FAF2: variants seen among roughly 807,000 people sequenced by gnomAD.
FAF2 encodes the protein FAS-associated factor 2.
Under a neutral mutation model 62.3 loss-of-function variants are expected in FAF2, and 9 were observed. That is an observed-to-expected ratio of 0.14 (90% CI 0.09 to 0.25). The LOEUF is 0.25. Ranked by LOEUF, FAF2 falls within the 10% of genes least tolerant of loss-of-function variation. The pLI is 1.00. For synonymous variants in FAF2, 202 were observed against 198.0 expected, an observed-to-expected ratio of 1.02 and a Z score of -0.17; for missense variants, 368 against 556.2, an observed-to-expected ratio of 0.66 and a Z score of 3.40.
At chr5:176,464,670 T>A (rs1303109346) in intron 1 of FAF2, among the ~76,000 whole-genome samples, 2 of 151,948 alleles carry the variant, frequency 1.3e-5, no homozygotes, top group African/African-American at 4.8e-5. Flanking sequence ...TGTTTTTATT[T>A]TCTGTAGAGA....
intron 10 of FAF2, among the ~76,000 whole-genome samples, chr5:176,504,689 C>CA (rs1224181398): frequency 6.6e-6 from 1 of 151,656 alleles, no homozygotes; most frequent in African/African-American, 2.4e-5. Context: ...ATGGGAATTG[C>CA]AAAGAGAGAA....
intron 10 of FAF2, among the ~76,000 whole-genome samples, chr5:176,502,893 C>T (rs1445255752): frequency 5.3e-5 from 8 of 150,138 alleles, no homozygotes; most frequent in African/African-American, 2.0e-4. Context: ...ACTAAAAGTA[C>T]AAAAATTAGC....
chr5:176,466,780 A>G (rs942224494), intron 1 of FAF2, among the ~76,000 whole-genome samples: 1 of 148,566 alleles, frequency 6.7e-6, no homozygotes, highest in Admixed American at 6.6e-5. Context: ...AATCTCCCGT[A>G]TACATTTTAC....
chr5:176,451,885 T>TAC (rs1758189686), intron 1 of FAF2, among the ~76,000 whole-genome samples: 2 of 24,480 alleles, frequency 8.2e-5, no homozygotes, highest in Non-Finnish European at 1.5e-4. Flanking sequence ...CATATATATA[T>TAC]ATATATATTT....
chr5:176,499,300 A>C (rs1205379664), intron 9 of FAF2, among the ~76,000 whole-genome samples: 1 of 152,080 alleles, frequency 6.6e-6, no homozygotes, highest in Non-Finnish European at 1.5e-5. Flanking sequence ...TTTAAATAAA[A>C]ATTTAAAAAA....
In FAF2 at chr5:176,451,893, T is replaced by TATA. The variant is rs1491147946; in HGVS notation, c.63+3423_63+3424insATA. Among the ~76,000 whole-genome samples the TATA allele has an allele frequency of 5.4e-4, 8 of 14,816 alleles. 2 individuals carry two copies. The highest frequency in any genetic ancestry group is 6.9e-4 in the Non-Finnish European group (6 of 8,702). The allele number at this position is 14,816 out of a possible 152,430, so 9.7% of individuals were successfully genotyped here. On this transcript the variant is annotated intron_variant, in intron 1 of 10. Transcript: ENST00000261942. ...ATACACACATATATATATATATATA[T>TATA]TTTTTTTTTTTTTTTTTTTTTTTTT...
At chr5:176,467,117 G>GTT in intron 1 of FAF2, among the ~76,000 whole-genome samples, 1 of 117,576 alleles carries the variant, frequency 8.5e-6, no homozygotes, top group South Asian at 2.9e-4. Flanking sequence ...CCCAATGGCT[G>GTT]TTTTTTTTTT....
In FAF2 at chr5:176,488,166, C is replaced by T. The variant is rs7724162; in HGVS notation, c.268-785C>T. Among the ~76,000 whole-genome samples, 460 of 152,174 alleles carry T rather than the reference C, an allele frequency of 3.0e-3. 5 individuals carry two copies. The highest frequency in any genetic ancestry group is 0.011 in the African/African-American group (439 of 41,536). On this transcript the variant is annotated intron_variant, in intron 3 of 10. Coordinates refer to ENST00000261942, the MANE Select transcript of FAF2 (RefSeq NM_014613.3). ...CTAATTTTTGTATTTTTAGTAGAGA[C>T]AGGGTTTTACCATGTTGACCAGGCT...
Position 176,509,668 on chromosome 5 carries a change from T to C in FAF2, c.*2718T>C, listed in dbSNP as rs1755746053. 2.6e-5 allele frequency: 4 copies of C among 152,616 alleles called. No homozygotes were observed. Among genetic ancestry groups the C allele is most frequent in the South Asian group, 2.1e-4 (1 of 4,828 alleles). The allele number at this position is 152,616 out of a possible 1,614,324, so 9.5% of individuals were successfully genotyped here. On this transcript the variant is annotated 3_prime_UTR_variant, in exon 11 of 11. Transcript: ENST00000261942. The stretch of plus-strand genomic sequence containing the variant: ...CTCCTTGCTTGCCTCCACCATGATA[T>C]TTGAATAAGAGATGGCCAGAGGATA...
chr5:176,461,700 A>T (rs1326551526), intron 1 of FAF2, among the ~76,000 whole-genome samples: 2 of 151,366 alleles, frequency 1.3e-5, no homozygotes, highest in East Asian at 3.9e-4. Context: ...TATATTCTGG[A>T]TATTAGGCCT....
At chr5:176,489,285 C>T (rs1467138335) in intron 4 of FAF2, among the ~76,000 whole-genome samples, 1 of 90,422 alleles carries the variant, frequency 1.1e-5, no homozygotes, top group Non-Finnish European at 2.4e-5. Flanking sequence ...ATTTATTTGT[C>T]TCCCCCTCCC....
chr5:176,480,793 C>A (rs916436895), intron 2 of FAF2, among the ~76,000 whole-genome samples: 4 of 131,284 alleles, frequency 3.0e-5, no homozygotes, highest in Non-Finnish European at 6.4e-5. Flanking sequence ...ACACACGGGG[C>A]CTCTCGGGGG....
chr5:176,506,696 TGC>T lies in FAF2; in HGVS notation c.1156-70_1156-69del, dbSNP rs1189910888. On this transcript the variant is annotated intron_variant, in intron 10 of 10. Transcript: ENST00000261942. ...GTATATTTGACTTCAGAGTTGTGTG[TGC>T]GTGTGTGCGTGTGTGTGTGTGTATT... The T allele has an allele frequency of 3.4e-4, 44 of 131,288 alleles. No individual in the cohort carries two copies. The African/African-American group carries it at 3.4e-3, about 10-fold the overall frequency. The allele number at this position is 131,288 out of a possible 1,614,324, so 8.1% of individuals were successfully genotyped here. A position where few individuals can be genotyped will look rare whatever the true frequency, so the allele number is the denominator to read the frequency against.
intron 2 of FAF2, among the ~76,000 whole-genome samples, chr5:176,480,130 A>C (rs1320983111): frequency 1.3e-5 from 2 of 152,232 alleles, no homozygotes; most frequent in Non-Finnish European, 2.9e-5. Flanking sequence ...TAACATGGAA[A>C]TAAATATCTG....
At chr5:176,501,266 T>G (rs1459746797) in intron 10 of FAF2, among the ~76,000 whole-genome samples, 1 of 152,240 alleles carries the variant, frequency 6.6e-6, no homozygotes, top group Non-Finnish European at 1.5e-5. Flanking sequence ...GAAAATTTAT[T>G]TAAACTGAGA....
intron 2 of FAF2, among the ~76,000 whole-genome samples, chr5:176,483,530 C>G (rs148855679): frequency 2.0e-5 from 3 of 152,064 alleles, no homozygotes; most frequent in Admixed American, 6.6e-5. Context: ...ATTCTTTCCT[C>G]GTTGAATTGT....
intron 10 of FAF2, 27 bp from the exon 11 acceptor site, chr5:176,506,741 C>A (rs1670103590): frequency 1.3e-6 from 2 of 1,598,872 alleles, no homozygotes; most frequent in African/African-American, 1.3e-5. Flanking sequence ...TTCTCACCAC[C>A]CTTCTTTTTC....
rs139589279 is a variant in FAF2 at position 176,475,611 on chromosome 5, T to C, written c.64-3577T>C. Among the ~76,000 whole-genome samples the C allele has an allele frequency of 7.2e-3, 1,087 of 151,912 alleles. 13 individuals are homozygous for C. The highest frequency in any genetic ancestry group is 0.025 in the African/African-American group (1,044 of 41,436). On this transcript the variant is annotated intron_variant, in intron 1 of 10. Coordinates refer to ENST00000261942, the MANE Select transcript of FAF2 (RefSeq NM_014613.3). ...GGTGAAACCTCGTCCCTACTAAAAA[T>C]ACAAAAACTAGCCAGGCGTGGTGGC...
chr5:176,458,101 TC>T (rs757063788), intron 1 of FAF2, among the ~76,000 whole-genome samples: 62 of 152,266 alleles, frequency 4.1e-4, no homozygotes, highest in Non-Finnish European at 8.2e-4. Flanking sequence ...TCTCTTCTCT[TC>T]CTTGACAGAG....
Sources: gnomAD v4.1 joint callset for allele counts (sites outside exome capture counted in the v4.1 genomes callset) on GRCh38, gnomAD v4.1.1 for gene constraint, MANE v1.5 for transcripts, NCBI Gene and HGNC (gene_info 2026-07-23, HGNC 2026-07-21) for gene names.